MASP2: variants seen among roughly 807,000 people sequenced by gnomAD.
The protein encoded by MASP2 is mannan-binding lectin serine protease 2.
MASP2 carries 49 observed loss-of-function variants against 57.1 expected under a neutral mutation model. The ratio of observed to expected loss-of-function variants is 0.86; its 90% CI spans 0.68 to 1.09. The LOEUF is 1.09. MASP2 is among the 50% of genes least tolerant of loss of function. MASP2 has a pLI of 0.00. For missense variants in MASP2, 900 were observed against 874.8 expected, an observed-to-expected ratio of 1.03 and a Z score of -0.36; for synonymous variants, 379 against 340.8, an observed-to-expected ratio of 1.11 and a Z score of -1.24.
chr1:11,033,653 A>C (rs976199008), intron 8 of MASP2, among the ~76,000 whole-genome samples: 2 of 151,872 alleles, frequency 1.3e-5, no homozygotes, highest in Non-Finnish European at 2.9e-5. Flanking sequence ...TCCAAAAAGA[A>C]AAAAAAGAAA....
At chr1:11,030,350 G>T in intron 9 of MASP2, 100 bp from the exon 10 acceptor site, 1 of 807,558 alleles carries the variant, frequency 1.2e-6, no homozygotes, top group South Asian at 1.5e-5. Flanking sequence ...TTGAGCATCA[G>T]TGGGACATAG....
chr1:11,036,510 C>CAAAAAAAAAAAAAAAAAAAAAAAA (rs35642467), intron 7 of MASP2, among the ~76,000 whole-genome samples: 2 of 54,330 alleles, frequency 3.7e-5, no homozygotes, highest in Non-Finnish European at 6.6e-5. Context: ...GACTCCGTCT[C>CAAAAAAAAAAAAAAAAAAAAAAAA]AAAAAAAAAA....
Position 11,043,023 on chromosome 1 carries a change from C to T in MASP2, c.742-1G>A, listed in dbSNP as rs1638508396. The T allele has an allele frequency of 1.9e-6, 3 of 1,613,362 alleles. No homozygotes were observed. Among genetic ancestry groups the T allele is most frequent in the African/African-American group, 1.3e-5 (1 of 74,922 alleles). ...CATGTTCTTCTCTGTCTGTTTGAAT[C>T]TGAGAAAGAAGCTCATGAAAGCTGG... On this transcript the variant is annotated splice_acceptor_variant, in intron 5 of 10. Coordinates refer to ENST00000400897, the MANE Select transcript of MASP2 (RefSeq NM_006610.4). LOFTEE classifies it high-confidence loss of function.
chr1:11,045,515 G>T lies in MASP2; in HGVS notation c.437C>A (p.Pro146Gln), dbSNP rs1411989082. ...AEDIDECQVA[P>Q]GEAPTCDHHC... ...GTGGTCGCAGGTGGGCGCCTCTCCC[G>T]GGGCCACCTGGCACTCGTCAATGTC... Residue 146 changes from proline to glutamine, a missense_variant, in exon 4 of 11, where the codon CCG (proline) becomes CAG (glutamine). Coordinates refer to ENST00000400897, the MANE Select transcript of MASP2 (RefSeq NM_006610.4). 8 of 1,608,118 alleles carry T rather than the reference G, an allele frequency of 5.0e-6. No individual in the cohort carries two copies. Among genetic ancestry groups the T allele is most frequent in the Middle Eastern group, 3.4e-4 (2 of 5,850 alleles).
At chr1:11,029,336 G>A (rs1643800373) in intron 10 of MASP2, among the ~76,000 whole-genome samples, 1 of 150,472 alleles carries the variant, frequency 6.6e-6, no homozygotes, top group African/African-American at 2.4e-5. Flanking sequence ...CAGAGGGGGA[G>A]GTTGCAGTGA....
chr1:11,044,766 A>ACCCC, intron 4 of MASP2: 1 of 994,430 alleles, frequency 1.0e-6, no homozygotes, highest in Non-Finnish European at 1.4e-6. Flanking sequence ...CCGCCTCCCG[A>ACCCC]CCCTCCCACC....
chr1:11,046,569 G>C lies in MASP2; in HGVS notation c.399C>G (p.Phe133Leu). The C allele has an allele frequency of 6.2e-7, 1 of 1,613,938 alleles. No homozygotes were observed. Among genetic ancestry groups the C allele is most frequent in the Non-Finnish European group, 8.5e-7 (1 of 1,180,022 alleles). ...CTCTTGGCTCACCCTCGGCTGCATA[G>C]AAGGCCTCGAACCCCGTGAACGGCT... ...NEKPFTGFEA[F>L]YAAEDIDECQ... Residue 133 changes from phenylalanine (F) to leucine (L), a missense_variant, in exon 3 of 11, where the codon TTC (phenylalanine) becomes TTG (leucine). By Grantham distance (22) the Phe-to-Leu change is conservative. Transcript: ENST00000400897.
At chr1:11,046,394 G>T in intron 3 of MASP2, 162 bp downstream of exon 3, 1 of 744,984 alleles carries the variant, frequency 1.3e-6, no homozygotes, top group Non-Finnish European at 2.3e-6. Flanking sequence ...TGGAGGTCAC[G>T]GCTGTTTTGG....
intron 10 of MASP2, 133 bp from the exon 11 acceptor site, chr1:11,027,781 C>T: frequency 1.2e-6 from 1 of 822,572 alleles, no homozygotes; most frequent in Non-Finnish European, 1.9e-6. Flanking sequence ...GGGTGACTAC[C>T]TATACAGGCA....
In MASP2 at chr1:11,026,944, C is replaced by T; in HGVS notation, c.2002G>A (p.Val668Ile). 1 of 1,524,604 alleles carries T rather than the reference C, an allele frequency of 6.6e-7. No individual in the cohort carries two copies. The highest frequency in any genetic ancestry group is 8.8e-7 in the Non-Finnish European group (1 of 1,139,896). The allele number at this position is 1,524,604 out of a possible 1,614,324, so 94.4% of individuals were successfully genotyped here. Residue 668 changes from valine to isoleucine, a missense_variant, in exon 11 of 11, where the codon GTC becomes ATC. Transcript: ENST00000400897. Reference sequence around the variant, plus strand: ...ATATAGTTAATAACTTTTGTGTAGACTCCATACTGACCTGCTTCCCCACAA... The same window carrying T: ...ATATAGTTAATAACTTTTGTGTAGATTCCATACTGACCTGCTTCCCCACAA... ...MNCGEAGQYGVYTKVINYIPW... is the reference protein window; with the variant it reads ...MNCGEAGQYGIYTKVINYIPW...
chr1:11,034,050 C>A (rs1371451910), intron 8 of MASP2, among the ~76,000 whole-genome samples: 2 of 151,502 alleles, frequency 1.3e-5, no homozygotes, highest in Non-Finnish European at 2.9e-5. Context: ...TCAGCCTGGC[C>A]AACATGGTGA....
intron 7 of MASP2, among the ~76,000 whole-genome samples, chr1:11,036,510 C>CAAAAAAAAAAA (rs35642467): frequency 3.5e-4 from 19 of 54,334 alleles, no homozygotes; most frequent in Admixed American, 6.9e-4. Context: ...GACTCCGTCT[C>CAAAAAAAAAAA]AAAAAAAAAA....
intron 4 of MASP2, 34 bp from the exon 5 acceptor site, chr1:11,043,569 G>A (rs191530740): frequency 5.8e-5 from 87 of 1,499,706 alleles, no homozygotes; most frequent in South Asian, 2.4e-4. Context: ...GTGACTTGGC[G>A]TGCCCTCTAT....
intron 8 of MASP2, among the ~76,000 whole-genome samples, 158 bp from the exon 9 acceptor site, chr1:11,031,040 G>A (rs533778537): frequency 1.8e-4 from 27 of 151,738 alleles, no homozygotes; most frequent in African/African-American, 2.4e-5. Context: ...CCCTCTCTAC[G>A]AAAGGTTAAA....
intron 7 of MASP2, among the ~76,000 whole-genome samples, chr1:11,036,581 T>C (rs1227430114): frequency 2.2e-5 from 3 of 135,388 alleles, no homozygotes; most frequent in Non-Finnish European, 3.2e-5. Flanking sequence ...CGAGGAGCTG[T>C]GGAAAAGAGC....
chr1:11,033,068 C>T (rs1258666597), intron 8 of MASP2, among the ~76,000 whole-genome samples: 2 of 152,122 alleles, frequency 1.3e-5, no homozygotes, highest in Non-Finnish European at 2.9e-5. Flanking sequence ...GTGGCTCATG[C>T]GTGTAATCCC....
At chr1:11,040,729 A>G (rs1157864834) in intron 6 of MASP2, among the ~76,000 whole-genome samples, 2 of 145,980 alleles carry the variant, frequency 1.4e-5, no homozygotes, top group African/African-American at 5.1e-5. Flanking sequence ...ATGTGTAGGT[A>G]GAAGACTGGG....
rs1643753904 is a variant in MASP2, at chr1:11,027,305, G to A, written c.1641C>T (p.Asn547=). Reference sequence around the variant, plus strand: ...TTCTTGGCAGACAAATAGGCGTGATGTTGCTATTGATTACAACTTTGTTAT... The same window carrying A: ...TTCTTGGCAGACAAATAGGCGTGATATTGCTATTGATTACAACTTTGTTAT... The part of the protein sequence containing the change: ...KLNNKVVINS[N]ITPICLPRKE... Residue 547 remains asparagine, a synonymous_variant, in exon 11 of 11, where the codon AAC becomes AAT. Transcript: ENST00000400897. 6.2e-7 allele frequency: 1 copy of A among 1,613,932 alleles called. No individual in the cohort carries two copies. The highest frequency in any genetic ancestry group is 1.7e-4 in the Middle Eastern group (1 of 6,060).
chr1:11,028,698 T>TTTTTTTTC (rs1162980398), intron 10 of MASP2, among the ~76,000 whole-genome samples: 1 of 28,536 alleles, frequency 3.5e-5, no homozygotes, highest in Non-Finnish European at 5.5e-5. Flanking sequence ...TCTTTCTGGG[T>TTTTTTTTC]TTTTTTTCTT....
Sources: allele counts gnomAD v4.1 joint callset (sites outside exome capture counted in the v4.1 genomes callset), GRCh38; gene constraint gnomAD v4.1.1; transcripts MANE v1.5; gene names NCBI Gene and HGNC (gene_info 2026-07-23, HGNC 2026-07-21).